The following NCKAP5 variants were observed in gnomAD, a reference collection of about 807,000 sequenced individuals.
The protein encoded by NCKAP5 is nck-associated protein 5.
In NCKAP5, 92 loss-of-function variants were observed where a neutral mutation model predicts 167.0. The ratio of observed to expected loss-of-function variants is 0.55; its 90% CI spans 0.47 to 0.66. The LOEUF (loss-of-function observed/expected upper bound fraction) is 0.66. NCKAP5 is among the 30% of genes least tolerant of loss of function. The probability of loss-of-function intolerance (pLI) is 0.00; values close to 1 mark genes in which losing one functional copy is unlikely to be tolerated. For synonymous variants in NCKAP5, 891 were observed against 877.4 expected (o/e 1.02, Z -0.27); for missense variants, 2,378 against 2,315.0 (o/e 1.03, Z -0.56).
At chr2:133,252,222 T>A (rs935995851) in intron 4 of NCKAP5, among the ~76,000 whole-genome samples, 9 of 152,124 alleles carry the variant, frequency 5.9e-5, no homozygotes, top group Non-Finnish European at 1.3e-4. Flanking sequence ...GGAGAGGTGC[T>A]TATTATCAAT....
At chr2:133,407,067 G>C (rs1389856350) in intron 3 of NCKAP5, among the ~76,000 whole-genome samples, 1 of 152,220 alleles carries the variant, frequency 6.6e-6, no homozygotes, top group Non-Finnish European at 1.5e-5. Context: ...GTTTGCCAAA[G>C]AGGTGACCTC....
At chr2:133,332,870 C>CAGG (rs747830589) in intron 3 of NCKAP5, among the ~76,000 whole-genome samples, 1 of 152,220 alleles carries the variant, frequency 6.6e-6, no homozygotes, top group Non-Finnish European at 1.5e-5. Context: ...ATACCCAATG[C>CAGG]AGGGTTAGAC....
At chr2:133,008,175 C>T (rs1034212032) in intron 6 of NCKAP5, among the ~76,000 whole-genome samples, 1 of 151,876 alleles carries the variant, frequency 6.6e-6, no homozygotes, top group Non-Finnish European at 1.5e-5. Flanking sequence ...GGCCTTTTCC[C>T]ATTGGGTGTT....
At chr2:132,795,776 G>A (rs561791400) in intron 12 of NCKAP5, among the ~76,000 whole-genome samples, 18 of 141,294 alleles carry the variant, frequency 1.3e-4, no homozygotes, top group South Asian at 2.3e-4. Flanking sequence ...CTGAGATCGC[G>A]CCATTGCACT....
intron 2 of NCKAP5, among the ~76,000 whole-genome samples, chr2:133,521,422 CTTTATA>C (rs1684464790): frequency 6.6e-6 from 1 of 152,220 alleles, no homozygotes; most frequent in African/African-American, 2.4e-5. Flanking sequence ...ACATCTTACT[CTTTATA>C]TTTATTATTT....
chr2:133,633,717 TTA>T, the NCKAP5 span, among the ~76,000 whole-genome samples: 2 of 152,182 alleles, frequency 1.3e-5, no homozygotes, highest in African/African-American at 2.4e-5. Flanking sequence ...CTCAGAAATT[TTA>T]TGTCATTGCT....
chr2:132,754,213 TTCTCTTC>T (rs1680348618), intron 16 of NCKAP5, among the ~76,000 whole-genome samples: 1 of 152,192 alleles, frequency 6.6e-6, no homozygotes, highest in South Asian at 2.1e-4. Flanking sequence ...ATTGGCTGGT[TTCTCTTC>T]TCTGTCTGAC....
chr2:132,996,352 T>C (rs2077598959), intron 6 of NCKAP5, among the ~76,000 whole-genome samples: 1 of 152,226 alleles, frequency 6.6e-6, no homozygotes, highest in Admixed American at 6.5e-5. Flanking sequence ...TTGTTTTAAA[T>C]GTATACCTCC....
At chr2:132,819,299 C>G (rs1686528694) in intron 11 of NCKAP5, among the ~76,000 whole-genome samples, 2 of 152,150 alleles carry the variant, frequency 1.3e-5, no homozygotes, top group African/African-American at 4.8e-5. Context: ...GGGGGAGGAA[C>G]TTACGTTAAT....
At chr2:132,724,434 G>T (rs901010832) in intron 19 of NCKAP5, among the ~76,000 whole-genome samples, 1 of 152,102 alleles carries the variant, frequency 6.6e-6, no homozygotes, top group African/African-American at 2.4e-5. Flanking sequence ...GCTGAAAGGG[G>T]CCCTGGAAAC....
chr2:133,589,595 A>G, the NCKAP5 span, among the ~76,000 whole-genome samples: 1 of 152,156 alleles, frequency 6.6e-6, no homozygotes, highest in Non-Finnish European at 1.5e-5. Context: ...AGATGAGATC[A>G]CCAAGGAAGT....
chr2:132,745,153 A>C (rs1420354404), intron 16 of NCKAP5, among the ~76,000 whole-genome samples: 2 of 151,818 alleles, frequency 1.3e-5, no homozygotes, highest in Non-Finnish European at 3.0e-5. Flanking sequence ...GACATCATAC[A>C]TAGAGGAAAA....
intron 3 of NCKAP5, among the ~76,000 whole-genome samples, chr2:133,457,242 TTAATCATG>T (rs1691915477): frequency 6.6e-6 from 1 of 152,174 alleles, no homozygotes. Context: ...TAAACCTCCA[TTAATCATG>T]TAATCATCTT....
chr2:132,715,514 A>G (rs1318957984), intron 19 of NCKAP5, among the ~76,000 whole-genome samples: 1 of 152,160 alleles, frequency 6.6e-6, no homozygotes, highest in Non-Finnish European at 1.5e-5. Context: ...CTACTTCACT[A>G]GAGCAACGTG....
At chr2:132,802,612 G>A (rs1369526215) in intron 11 of NCKAP5, among the ~76,000 whole-genome samples, 1 of 152,144 alleles carries the variant, frequency 6.6e-6, no homozygotes, top group African/African-American at 2.4e-5. Flanking sequence ...AGGATTTGGT[G>A]CATGTTTAAG....
At chr2:133,637,780 C>T in the NCKAP5 span, among the ~76,000 whole-genome samples, 2 of 151,858 alleles carry the variant, frequency 1.3e-5, no homozygotes, top group East Asian at 3.9e-4. Flanking sequence ...AACATACATG[C>T]GATTAGAGTT....
intron 6 of NCKAP5, among the ~76,000 whole-genome samples, chr2:133,029,170 C>T (rs1439505936): frequency 6.6e-6 from 1 of 152,154 alleles, no homozygotes; most frequent in Non-Finnish European, 1.5e-5. Flanking sequence ...GAGGTCATGA[C>T]AGATGAGTGA....
At chr2:133,258,749 TAA>T (rs1222395264) in intron 4 of NCKAP5, among the ~76,000 whole-genome samples, 4 of 140,422 alleles carry the variant, frequency 2.8e-5, no homozygotes, top group South Asian at 2.3e-4. Flanking sequence ...CTGTCTCAAT[TAA>T]AAAAAAAAAA....
At chr2:132,725,583 CAG>C in intron 19 of NCKAP5, 42 bp downstream of exon 19, 2 of 1,575,284 alleles carry the variant, frequency 1.3e-6, no homozygotes, top group Non-Finnish European at 1.7e-6. Flanking sequence ...AGCGGCTTCC[CAG>C]AGAGAGGAAC....
Sources: gnomAD v4.1 joint callset for allele counts (sites outside exome capture counted in the v4.1 genomes callset) on GRCh38, gnomAD v4.1.1 for gene constraint, MANE v1.5 for transcripts, NCBI Gene and HGNC (gene_info 2026-07-23, HGNC 2026-07-21) for gene names.